The following VPS8 variants were observed in gnomAD, a reference collection of about 807,000 sequenced individuals.
The protein encoded by VPS8 is vacuolar protein sorting-associated protein 8 homolog.
A neutral mutation model predicts 216.4 loss-of-function variants in VPS8; 129 were observed. The observed-to-expected ratio is 0.60, with a 90% CI of 0.52 to 0.69. VPS8 has a LOEUF of 0.69. Ranked by LOEUF, VPS8 falls within the 30% of genes least tolerant of loss-of-function variation. The pLI, the probability that VPS8 is intolerant of heterozygous loss-of-function variation, is 0.00. For missense variants in VPS8, 1,531 were observed against 1,683.5 expected, an observed-to-expected ratio of 0.91 and a Z score of 1.59; for synonymous variants, 571 against 565.4, an observed-to-expected ratio of 1.01 and a Z score of -0.14.
chr3:184,827,511 T>C (rs991349561), intron 3 of VPS8, among the ~76,000 whole-genome samples: 2 of 152,240 alleles, frequency 1.3e-5, no homozygotes, highest in African/African-American at 4.8e-5. Context: ...AGATTAATTT[T>C]AGTCAGTTTT....
chr3:184,813,606 T>TTA (rs1171154435), intron 1 of VPS8: 1 of 152,226 alleles, frequency 6.6e-6, no homozygotes, highest in Non-Finnish European at 1.5e-5. Flanking sequence ...CTACTGGGCT[T>TTA]TATATGGTCA....
In VPS8 at chr3:184,915,278, T is replaced by G; in HGVS notation, c.2263-77T>G. The G allele has an allele frequency of 2.0e-6, 3 of 1,526,634 alleles. No homozygotes were observed. In the South Asian group the frequency reaches 3.7e-5, roughly 19 times the overall value. 94.6% of individuals were successfully genotyped at this position (1,526,634 alleles called of 1,614,324 possible). On this transcript the variant is annotated intron_variant, in intron 27 of 47. Transcript: ENST00000625842. The stretch of plus-strand genomic sequence containing the variant: ...CTGAATTCAGCCTGCCTTTATTTTA[T>G]CCAAATGAGAATCACTGCTTCAGCA...
At chr3:184,914,858 T>A (rs951829084) in intron 26 of VPS8, 123 bp from the exon 27 acceptor site, 2 of 962,010 alleles carry the variant, frequency 2.1e-6, no homozygotes, top group Admixed American at 4.1e-5. Context: ...TTGACCTAAC[T>A]GACAAAAGCT....
At chr3:184,986,210 A>G (rs1159895530) in intron 42 of VPS8, among the ~76,000 whole-genome samples, 1 of 152,186 alleles carries the variant, frequency 6.6e-6, no homozygotes, top group Admixed American at 6.5e-5. Flanking sequence ...AATCAAGGAA[A>G]GAAAGGAGGT....
At chr3:184,827,248 A>G (rs763897231) in intron 3 of VPS8, among the ~76,000 whole-genome samples, 3 of 152,118 alleles carry the variant, frequency 2.0e-5, no homozygotes, top group African/African-American at 7.2e-5. Context: ...TTCTCTGTCA[A>G]TTATGTCTTT....
chr3:184,957,509 A>G lies in VPS8; in HGVS notation c.3171A>G (p.Glu1057=). Residue 1057 remains glutamate (E), a synonymous_variant, in exon 37 of 48, where the codon GAA becomes GAG. Coordinates refer to ENST00000625842, the MANE Select transcript of VPS8 (RefSeq NM_001009921.3). The stretch of plus-strand genomic sequence containing the variant: ...AAGTCCTTGAGTGCTACCGTCTGGA[A>G]GAAACTATTCAGGTGAGACGAACAA... ...TLQVLECYRL[E]ETIQITQKYQ... is the part of the protein sequence containing the mutation. The G allele has an allele frequency of 1.2e-6, 2 of 1,610,454 alleles. No individual in the cohort carries two copies. The highest frequency in any genetic ancestry group is 1.1e-5 in the South Asian group (1 of 90,108).
intron 22 of VPS8, among the ~76,000 whole-genome samples, chr3:184,889,643 T>A (rs1196017174): frequency 6.6e-6 from 1 of 152,026 alleles, no homozygotes; most frequent in Admixed American, 6.5e-5. Flanking sequence ...TTTCCCTAAT[T>A]CTACTCTTTG....
intron 45 of VPS8, among the ~76,000 whole-genome samples, chr3:185,021,373 A>T (rs1756636142): frequency 6.6e-6 from 1 of 152,210 alleles, no homozygotes; most frequent in Non-Finnish European, 1.5e-5. Flanking sequence ...CTTCAAACAT[A>T]TTCTGACTTA....
At chr3:185,013,891 CGTT>C (rs888143362) in intron 45 of VPS8, among the ~76,000 whole-genome samples, 20 of 152,192 alleles carry the variant, frequency 1.3e-4, no homozygotes, top group African/African-American at 4.6e-4. Flanking sequence ...CCATGGGAAT[CGTT>C]GTGCAGCACC....
At chr3:184,898,710 C>A in intron 24 of VPS8, 56 bp downstream of exon 24, 2 of 1,328,324 alleles carry the variant, frequency 1.5e-6, no homozygotes, top group South Asian at 2.8e-5. Context: ...ACTTTTTTCT[C>A]CTATTCTCCA....
At chr3:184,897,550 A>G (rs980538631) in intron 23 of VPS8, among the ~76,000 whole-genome samples, 1 of 152,108 alleles carries the variant, frequency 6.6e-6, no homozygotes, top group African/African-American at 2.4e-5. Context: ...TATGGGTTAG[A>G]GGGGAGGTTA....
intron 28 of VPS8, 121 bp downstream of exon 28, chr3:184,915,595 G>C (rs775067646): frequency 2.3e-5 from 25 of 1,067,372 alleles, no homozygotes; most frequent in Non-Finnish European, 3.3e-5. Flanking sequence ...GATCATCTGA[G>C]GTCAGGAGTT....
chr3:185,026,861 A>C (rs941457464), intron 46 of VPS8, among the ~76,000 whole-genome samples: 1 of 151,690 alleles, frequency 6.6e-6, no homozygotes, highest in Non-Finnish European at 1.5e-5. Context: ...GGTGCCCACC[A>C]GCACACCTGG....
At chr3:185,048,921 CT>C (rs1444680026) in intron 47 of VPS8, among the ~76,000 whole-genome samples, 3 of 152,190 alleles carry the variant, frequency 2.0e-5, no homozygotes, top group Non-Finnish European at 4.4e-5. Flanking sequence ...TCCTGGGCAT[CT>C]GCACTGGTTG....
intron 3 of VPS8, among the ~76,000 whole-genome samples, chr3:184,831,911 A>G (rs1478266066): frequency 6.6e-6 from 1 of 152,152 alleles, no homozygotes; most frequent in Non-Finnish European, 1.5e-5. Context: ...TTTTTAAAAC[A>G]TGGTTCCCAT....
intron 21 of VPS8, among the ~76,000 whole-genome samples, chr3:184,875,337 A>G (rs1181285912): frequency 2.6e-5 from 4 of 152,084 alleles, no homozygotes; most frequent in African/African-American, 9.7e-5. Context: ...CTTTTCTCCA[A>G]AGATCAATCA....
intron 42 of VPS8, among the ~76,000 whole-genome samples, chr3:184,983,497 C>G (rs918023130): frequency 6.6e-6 from 1 of 152,170 alleles, no homozygotes; most frequent in Non-Finnish European, 1.5e-5. Context: ...GGCTTTCTAA[C>G]TCATCCTAAA....
Position 184,826,171 on chromosome 3 carries a change from CAAG to C in VPS8, c.163_165del (p.Lys55del). ...TTTTTTTCTTTATTTAGATTGATGA[CAAG>C]GAGTTTGATATTCCTCAAGTTGATA... is the stretch of plus-strand genomic sequence containing the variant. On this transcript the variant is annotated inframe_deletion, in exon 3 of 48. Transcript: ENST00000625842. The C allele has an allele frequency of 3.7e-6, 6 of 1,607,094 alleles. No homozygotes were observed. The highest frequency in any genetic ancestry group is 5.1e-6 in the Non-Finnish European group (6 of 1,176,624).
Position 184,834,741 on chromosome 3 carries a change from C to T in VPS8, c.446C>T (p.Ala149Val). The change falls in exon 5 of 48, where the codon GCT becomes GTT. Residue 149 changes from alanine (A) to valine (V), a missense_variant and splice_region_variant. Physicochemically the swap from Ala to Val is moderately conservative, Grantham distance 64. Around this residue, in one of 3 missense-constraint regions of VPS8, gnomAD observed 199 missense variants for 182.2 expected, o/e 1.09. Transcript: ENST00000625842. Reference protein sequence around the residue: ...KGISAQIVSAADKVDAGLPTA... With the variant: ...KGISAQIVSAVDKVDAGLPTA... ...ATTTCTGCCCAGATAGTGTCTGCAG[C>T]TGTAAGTATTTTGTTCTTTTCCCTC... The T allele has an allele frequency of 7.1e-6, 11 of 1,556,208 alleles. No homozygotes were observed. The highest frequency in any genetic ancestry group is 9.6e-6 in the Non-Finnish European group (11 of 1,148,872).
Sources: allele counts gnomAD v4.1 joint callset (sites outside exome capture counted in the v4.1 genomes callset), GRCh38; gene constraint gnomAD v4.1.1; regional missense constraint gnomAD v4.1.1; transcripts MANE v1.5; gene names NCBI Gene and HGNC (gene_info 2026-07-23, HGNC 2026-07-21).